SIPA1L1: variants seen among roughly 807,000 people sequenced by gnomAD.
The protein encoded by SIPA1L1 is signal-induced proliferation-associated 1-like protein 1.
SIPA1L1 carries 26 observed loss-of-function variants against 162.7 expected under a neutral mutation model. The observed-to-expected ratio is 0.16, with a 90% CI of 0.12 to 0.22. The LOEUF is 0.22. SIPA1L1 is among the 10% of genes least tolerant of loss of function. SIPA1L1 has a pLI of 1.00. For synonymous variants in SIPA1L1, 829 were observed against 837.4 expected (o/e 0.99, Z 0.17); for missense variants, 1,874 against 2,241.0 (o/e 0.84, Z 3.31).
At chr14:71,348,928 C>T (rs1227906812) in intron 2 of SIPA1L1, among the ~76,000 whole-genome samples, 4 of 152,154 alleles carry the variant, frequency 2.6e-5, no homozygotes, top group East Asian at 1.9e-4. Context: ...TTTGAGGAAC[C>T]GCAGTTGGGA....
chr14:71,532,164 G>T (rs1309844431), intron 4 of SIPA1L1, among the ~76,000 whole-genome samples: 2 of 152,016 alleles, frequency 1.3e-5, no homozygotes, highest in Non-Finnish European at 2.9e-5. Flanking sequence ...GAAATTGTTT[G>T]AAGATCTTAC....
chr14:71,726,623 C>T (rs898816173), intron 19 of SIPA1L1, among the ~76,000 whole-genome samples: 5 of 152,176 alleles, frequency 3.3e-5, no homozygotes, highest in Non-Finnish European at 7.4e-5. Flanking sequence ...CAGGAGTGTG[C>T]TTTCTTTATG....
intron 2 of SIPA1L1, among the ~76,000 whole-genome samples, chr14:71,506,588 G>A (rs1029070876): frequency 1.3e-5 from 2 of 152,094 alleles, no homozygotes; most frequent in Admixed American, 6.6e-5. Flanking sequence ...CGATCCACCC[G>A]CCTCAACCTC....
chr14:71,631,323 T>C (rs1023402418), intron 7 of SIPA1L1, among the ~76,000 whole-genome samples: 4 of 152,220 alleles, frequency 2.6e-5, no homozygotes, highest in Admixed American at 2.0e-4. Context: ...TTTTCGTCAG[T>C]ACATAGAAAG....
In SIPA1L1 at chr14:71,587,877, C is replaced by G; in HGVS notation, c.5C>G (p.Thr2Ser). 6.2e-7 allele frequency: 1 copy of G among 1,600,660 alleles called. No homozygotes were observed. The highest frequency in any genetic ancestry group is 8.6e-7 in the Non-Finnish European group (1 of 1,168,828). Residue 2 changes from threonine (T) to serine (S), a missense_variant, in exon 5 of 24, where the codon ACC becomes AGC. This residue lies in a region of SIPA1L1 where 685 missense variants were observed against 828.0 expected (regional missense o/e 0.83). Transcript: ENST00000381232. ...AAGTCTACTTGCTTTTACATCATGA[C>G]CAGCTTGAAACGGTCACAGACAGAA... M[T>S]SLKRSQTERP...
chr14:71,397,488 T>C (rs1160166238), intron 2 of SIPA1L1, among the ~76,000 whole-genome samples: 5 of 151,588 alleles, frequency 3.3e-5, no homozygotes, highest in Non-Finnish European at 7.4e-5. Flanking sequence ...CACAATACTA[T>C]TGAAATTTTT....
rs954841797 is a variant in SIPA1L1 at position 71,701,017 on chromosome 14, A to G, written c.3522-1364A>G. On this transcript the variant is annotated intron_variant, in intron 14 of 23. Coordinates refer to ENST00000381232, the MANE Select transcript of SIPA1L1 (RefSeq NM_001386936.1). Reference sequence around the variant, plus strand: ...CTCAAAAAAAAAAAAAAAAAAAAAAAAAAAAAAAAAAAAAAAAGTTTTATT... The same window carrying G: ...CTCAAAAAAAAAAAAAAAAAAAAAAGAAAAAAAAAAAAAAAAAGTTTTATT... Among the ~76,000 whole-genome samples, 19 of 146,182 alleles carry G rather than the reference A, an allele frequency of 1.3e-4. 1 individual carries two copies. The highest frequency in any genetic ancestry group is 2.6e-4 in the Non-Finnish European group (17 of 64,892).
At chr14:71,411,844 G>A (rs550454830) in intron 2 of SIPA1L1, among the ~76,000 whole-genome samples, 49 of 152,312 alleles carry the variant, frequency 3.2e-4, no homozygotes, top group African/African-American at 1.2e-3. Context: ...GACAAAGTCA[G>A]ACTTTAATTA....
At chr14:71,347,153 G>T (rs1363194029) in intron 2 of SIPA1L1, among the ~76,000 whole-genome samples, 1 of 151,566 alleles carries the variant, frequency 6.6e-6, no homozygotes, top group Admixed American at 6.6e-5. Flanking sequence ...TAGAGATGGG[G>T]TATCACCGCG....
chr14:71,361,171 A>G (rs2037776428), intron 2 of SIPA1L1, among the ~76,000 whole-genome samples: 1 of 152,208 alleles, frequency 6.6e-6, no homozygotes, highest in Non-Finnish European at 1.5e-5. Flanking sequence ...TAAATGAGAT[A>G]TTGATCATGC....
At chr14:71,722,933 G>A (rs549153252) in intron 17 of SIPA1L1, among the ~76,000 whole-genome samples, 2 of 152,122 alleles carry the variant, frequency 1.3e-5, no homozygotes, top group South Asian at 2.1e-4. Flanking sequence ...ACAGGGTTTC[G>A]CCATGTTGGT....
intron 16 of SIPA1L1, among the ~76,000 whole-genome samples, chr14:71,707,788 A>G (rs12433880): frequency 8.5e-5 from 13 of 152,208 alleles, no homozygotes; most frequent in Admixed American, 8.5e-4. Flanking sequence ...ACAATGAAAC[A>G]TGCCTTTTTA....
At chr14:71,688,142 T>C (rs1306117266) in intron 13 of SIPA1L1, among the ~76,000 whole-genome samples, 1 of 152,242 alleles carries the variant, frequency 6.6e-6, no homozygotes, top group Non-Finnish European at 1.5e-5. Flanking sequence ...AAAATATCTT[T>C]TAAGTTTTAA....
chr14:71,633,137 G>GTTATC (rs1274568921), intron 7 of SIPA1L1, among the ~76,000 whole-genome samples: 1 of 137,604 alleles, frequency 7.3e-6, no homozygotes, highest in Non-Finnish European at 1.5e-5. Context: ...GTTATGTTAT[G>GTTATC]TTATGTTATG....
intron 12 of SIPA1L1, among the ~76,000 whole-genome samples, chr14:71,680,983 T>C (rs2045748104): frequency 6.6e-6 from 1 of 152,188 alleles, no homozygotes; most frequent in Non-Finnish European, 1.5e-5. Context: ...TCTACCCAGC[T>C]CTTCCCTTCC....
At chr14:71,571,883 A>C (rs1480910959) in intron 4 of SIPA1L1, among the ~76,000 whole-genome samples, 1 of 149,262 alleles carries the variant, frequency 6.7e-6, no homozygotes, top group Non-Finnish European at 1.5e-5. Flanking sequence ...TGATCTCCTG[A>C]CCTCATGATC....
intron 16 of SIPA1L1, among the ~76,000 whole-genome samples, chr14:71,706,139 A>G (rs116714297): frequency 9.2e-5 from 14 of 152,218 alleles, no homozygotes; most frequent in African/African-American, 3.4e-4. Context: ...AAAAATGAAT[A>G]TTGAAGCTAA....
At chr14:71,493,213 C>T (rs2049435026) in intron 2 of SIPA1L1, among the ~76,000 whole-genome samples, 1 of 152,116 alleles carries the variant, frequency 6.6e-6, no homozygotes, top group Non-Finnish European at 1.5e-5. Context: ...CTGCCTCAGC[C>T]TCCTGAGTAG....
intron 2 of SIPA1L1, among the ~76,000 whole-genome samples, chr14:71,412,463 G>C (rs1245534643): frequency 1.3e-5 from 2 of 152,132 alleles, no homozygotes; most frequent in East Asian, 3.8e-4. Context: ...TGTACGATTT[G>C]GTTATGGTAG....
Sources: allele counts gnomAD v4.1 joint callset (sites outside exome capture counted in the v4.1 genomes callset), GRCh38; gene constraint gnomAD v4.1.1; regional missense constraint gnomAD v4.1.1; transcripts MANE v1.5; gene names NCBI Gene and HGNC (gene_info 2026-07-23, HGNC 2026-07-21).